The following ARID1B variants were observed in gnomAD, a reference collection of about 807,000 sequenced individuals.
The protein encoded by ARID1B is AT-rich interactive domain-containing protein 1B.
In ARID1B, 30 loss-of-function variants were observed where a neutral mutation model predicts 212.3. The observed-to-expected ratio is 0.14, with a 90% confidence interval of 0.11 to 0.19. ARID1B has a LOEUF of 0.19. ARID1B is among the 10% of genes least tolerant of loss of function. The pLI, the probability that ARID1B is intolerant of heterozygous loss-of-function variation, is 1.00. For missense variants in ARID1B, 2,891 were observed against 3,204.0 expected (o/e 0.90, Z 2.36); for synonymous variants, 1,402 against 1,301.7 (o/e 1.08, Z -1.66).
chr6:156,992,085 T>G (rs563281395), intron 4 of ARID1B, among the ~76,000 whole-genome samples: 1 of 152,198 alleles, frequency 6.6e-6, no homozygotes, highest in African/African-American at 2.4e-5. Context: ...GTAGAAATAT[T>G]TTATGGAGAG....
At chr6:156,882,990 G>GGA (rs748791636) in intron 2 of ARID1B, among the ~76,000 whole-genome samples, 28 of 152,194 alleles carry the variant, frequency 1.8e-4, no homozygotes, top group East Asian at 1.7e-3. Context: ...CCGAAAAGAG[G>GGA]GAGAGTTCGC....
chr6:156,854,501 AG>A (rs1784782302), intron 2 of ARID1B, among the ~76,000 whole-genome samples: 1 of 152,226 alleles, frequency 6.6e-6, no homozygotes, highest in Admixed American at 6.5e-5. Context: ...TGGTTCCTCC[AG>A]GCTCTGGGAT....
intron 4 of ARID1B, among the ~76,000 whole-genome samples, chr6:157,009,257 G>A (rs1779422669): frequency 6.6e-6 from 1 of 152,172 alleles, no homozygotes; most frequent in Admixed American, 6.5e-5. Flanking sequence ...AAATGGAGGT[G>A]CAGTAAGGAA....
At position 156,990,440 on chromosome 6, in the gene ARID1B, A is replaced by G. The variant is rs185174403; in HGVS notation, c.2247+54864A>G. 3.6e-3 allele frequency among the ~76,000 whole-genome samples: 548 copies of G among 152,226 alleles called. 1 individual carries two copies. Among genetic ancestry groups the G allele is most frequent in the Non-Finnish European group, 6.0e-3 (405 of 68,016 alleles). ...GGCGGATCACAAGGTCAGGAGATCA[A>G]GACCCTCCTGGCCATCATGGTGAAA... On this transcript the variant is annotated intron_variant, in intron 4 of 19. Transcript: ENST00000636930.
intron 4 of ARID1B, among the ~76,000 whole-genome samples, chr6:157,039,763 TCCTACCTACCTA>T (rs558978406): frequency 3.7e-5 from 4 of 109,208 alleles, no homozygotes; most frequent in East Asian, 3.4e-4. Context: ...CTTCCTACCT[TCCTACCTACCTA>T]CCTTCCTTCC....
intron 8 of ARID1B, among the ~76,000 whole-genome samples, chr6:157,161,425 G>GTATATATATATA (rs768153706): frequency 4.0e-5 from 5 of 124,420 alleles, no homozygotes; most frequent in African/African-American, 1.7e-4. Context: ...TTTTGATTGT[G>GTATATATATATA]TGTGTGTATA....
Position 157,209,691 on chromosome 6 carries a change from ATATT to A in ARID1B, c.*1804_*1807del. 4.3e-6 allele frequency: 1 copy of A among 233,206 alleles called. No homozygotes were observed. The highest frequency in any genetic ancestry group is 8.5e-6 in the Non-Finnish European group (1 of 118,040). 14.4% of individuals were successfully genotyped at this position (233,206 alleles called of 1,614,324 possible). ...CATTTAGTTTACTCCACCGTGTATA[ATATT>A]TATACTGTGCAATGTTAAAAAAGAA... On this transcript the variant is annotated 3_prime_UTR_variant, in exon 20 of 20. Coordinates refer to ENST00000636930, the MANE Select transcript of ARID1B (RefSeq NM_001374828.1).
intron 2 of ARID1B, among the ~76,000 whole-genome samples, chr6:156,843,573 G>A (rs1784041845): frequency 1.3e-5 from 2 of 152,114 alleles, no homozygotes; most frequent in Admixed American, 1.3e-4. Context: ...GGGCACACCT[G>A]GGCTGGGATA....
chr6:156,992,815 G>A (rs1778348251), intron 4 of ARID1B, among the ~76,000 whole-genome samples: 1 of 152,140 alleles, frequency 6.6e-6, no homozygotes, highest in Non-Finnish European at 1.5e-5. Flanking sequence ...GCACAGCATT[G>A]GAGGGAGCCG....
At chr6:156,846,702 C>T (rs1472015380) in intron 2 of ARID1B, among the ~76,000 whole-genome samples, 22 of 152,104 alleles carry the variant, frequency 1.4e-4, no homozygotes, top group Non-Finnish European at 7.4e-5. Context: ...GACTGGGGGA[C>T]GGGCCTGTTA....
At chr6:157,176,178 C>CT (rs1393246952) in intron 11 of ARID1B, among the ~76,000 whole-genome samples, 1 of 151,382 alleles carries the variant, frequency 6.6e-6, no homozygotes, top group Non-Finnish European at 1.5e-5. Context: ...GATATTCGCT[C>CT]TTACCTTCTC....
intron 2 of ARID1B, among the ~76,000 whole-genome samples, chr6:156,897,526 G>A (rs1788579458): frequency 6.6e-6 from 1 of 151,648 alleles, no homozygotes; most frequent in Non-Finnish European, 1.5e-5. Flanking sequence ...TGCCTACCTT[G>A]GCCTCCCAAA....
At chr6:156,872,808 T>TC (rs58160118) in intron 2 of ARID1B, among the ~76,000 whole-genome samples, 19,039 of 152,146 alleles carry the variant, frequency 0.13, 1,373 homozygotes, top group East Asian at 0.3. Context: ...TGGATGTTGT[T>TC]CGTGAGCCTG....
At chr6:157,088,487 C>G (rs1047403729) in intron 5 of ARID1B, among the ~76,000 whole-genome samples, 1 of 152,178 alleles carries the variant, frequency 6.6e-6, no homozygotes, top group South Asian at 2.1e-4. Flanking sequence ...TTCCCTCCAC[C>G]TAGGCACCCT....
Position 156,779,058 on chromosome 6 carries a change from G to A in ARID1B, c.1378G>A (p.Gly460Ser). The A allele has an allele frequency of 8.2e-7, 1 of 1,224,626 alleles. No homozygotes were observed. Among genetic ancestry groups the A allele is most frequent in the Non-Finnish European group, 1.0e-6 (1 of 986,308 alleles). 75.9% of individuals were successfully genotyped at this position (1,224,626 alleles called of 1,614,324 possible). ...VLSSPRQQGGGMMMGPGGGGA... is the reference protein window; with the variant it reads ...VLSSPRQQGGSMMMGPGGGGA... ...GAGCTCCCCCCGGCAGCAGGGCGGC[G>A]GCATGATGATGGGCCCCGGGGGCGG... Residue 460 changes from glycine (G) to serine (S), a missense_variant, in exon 1 of 20, where the codon GGC becomes AGC. Physicochemically the swap from Gly to Ser is moderately conservative, Grantham distance 56. Around this residue, in one of 7 missense-constraint regions of ARID1B, gnomAD observed 1,643 missense variants for 1,544.0 expected, o/e 1.06. Coordinates refer to ENST00000636930, the MANE Select transcript of ARID1B (RefSeq NM_001374828.1).
At chr6:156,808,280 G>A (rs1781319128) in intron 1 of ARID1B, among the ~76,000 whole-genome samples, 1 of 152,190 alleles carries the variant, frequency 6.6e-6, no homozygotes, top group African/African-American at 2.4e-5. Flanking sequence ...AAAACAGAAA[G>A]GAGAACATGT....
chr6:156,791,488 A>AAGGC (rs1780004162), intron 1 of ARID1B, among the ~76,000 whole-genome samples: 1 of 152,218 alleles, frequency 6.6e-6, no homozygotes, highest in African/African-American at 2.4e-5. Context: ...TTCCATTCTT[A>AAGGC]ACCTCTTTGA....
intron 13 of ARID1B, 131 bp downstream of exon 13, chr6:157,184,566 C>T (rs747218303): frequency 3.5e-5 from 38 of 1,070,992 alleles, no homozygotes; most frequent in Non-Finnish European, 4.7e-5. Flanking sequence ...GTTCCTGTGT[C>T]GTTTTGTTTA....
chr6:156,778,642 C>A lies in ARID1B; in HGVS notation c.962C>A (p.Ala321Asp), dbSNP rs1248746156. The A allele has an allele frequency of 6.8e-7, 1 of 1,470,768 alleles. No individual in the cohort carries two copies. Among genetic ancestry groups the A allele is most frequent in the Middle Eastern group, 2.0e-4 (1 of 5,064 alleles). 91.1% of individuals were successfully genotyped at this position (1,470,768 alleles called of 1,614,324 possible). A position where few individuals can be genotyped will look rare whatever the true frequency, so the allele number is the denominator to read the frequency against. The change falls in exon 1 of 20, where the codon GCC becomes GAC. Residue 321 changes from alanine (A) to aspartate (D), a missense_variant. This residue lies in a region of ARID1B where 1,643 missense variants were observed against 1,544.0 expected (regional missense o/e 1.06). Coordinates refer to ENST00000636930, the MANE Select transcript of ARID1B (RefSeq NM_001374828.1). ...TTTAATAATTACTATGGCAGCGCTG[C>A]CCCTGCGAGCGGCGGCCCCGGCGGC... is the stretch of plus-strand genomic sequence containing the variant. The part of the protein sequence containing the change: ...PEFNNYYGSA[A>D]PASGGPGGRA...
Sources: gnomAD v4.1 joint callset for allele counts (sites outside exome capture counted in the v4.1 genomes callset) on GRCh38, gnomAD v4.1.1 for gene constraint, gnomAD v4.1.1 regional missense constraint, MANE v1.5 for transcripts, NCBI Gene and HGNC (gene_info 2026-07-23, HGNC 2026-07-21) for gene names.